RSU1: variants seen among roughly 807,000 people sequenced by gnomAD.
The protein encoded by RSU1 is Ras suppressor protein 1, also known as rsu-1.
RSU1 carries 26 observed loss-of-function variants against 31.1 expected under a neutral mutation model. That is an observed-to-expected ratio of 0.84 (90% CI 0.61 to 1.16). The LOEUF is 1.16. RSU1 is among the 50% of genes most tolerant of loss of function. The pLI is 0.00. For missense variants in RSU1, 320 were observed against 339.1 expected (o/e 0.94, Z 0.44); for synonymous variants, 164 against 136.3 (o/e 1.20, Z -1.41).
rs946457986 is a variant in RSU1, at chr10:16,721,220, G to A, written c.599-26065C>T. On this transcript the variant is annotated intron_variant, in intron 7 of 8. Transcript: ENST00000345264. ...TGTAGAGAGAACAGTGAAGAGGCTC[G>A]GAATGACTTTCTGGAGGAGATGCTT... 4.6e-5 allele frequency: 7 copies of A among 152,196 alleles called. No homozygotes were observed. In the South Asian group the frequency reaches 6.2e-4, roughly 14 times the overall value. The allele number at this position is 152,196 out of a possible 1,614,324, so 9.4% of individuals were successfully genotyped here.
chr10:16,685,035 G>T (rs1019409894), intron 8 of RSU1, among the ~76,000 whole-genome samples: 1 of 152,122 alleles, frequency 6.6e-6, no homozygotes, highest in Non-Finnish European at 1.5e-5. Context: ...ATCACCTGAG[G>T]TCACGGGTTT....
Position 16,754,868 on chromosome 10 carries a change from T to C in RSU1, c.400+3A>G, listed in dbSNP as rs1837052016. On this transcript the variant is annotated splice_donor_region_variant and intron_variant, in intron 5 of 8. Coordinates refer to ENST00000345264, the MANE Select transcript of RSU1 (RefSeq NM_012425.4). ...GAGATTTATAGAATTGAAAGTTTCT[T>C]ACTCAGGTAGAAGAAGTTTCCAGGA... is the stretch of plus-strand genomic sequence containing the variant. 6.4e-7 allele frequency: 1 copy of C among 1,567,066 alleles called. No individual in the cohort carries two copies. The highest frequency in any genetic ancestry group is 1.1e-5 in the South Asian group (1 of 89,920).
intron 8 of RSU1, among the ~76,000 whole-genome samples, chr10:16,662,572 T>C (rs781499870): frequency 2.6e-5 from 4 of 152,204 alleles, no homozygotes; most frequent in Admixed American, 6.5e-5. Context: ...GGTGTCTTAA[T>C]TGTGGCAAAT....
intron 2 of RSU1, 152 bp from the exon 3 acceptor site, chr10:16,782,236 G>C (rs1042820884): frequency 3.2e-6 from 2 of 620,276 alleles, no homozygotes; most frequent in African/African-American, 1.8e-5. Context: ...CATGTAACAC[G>C]ATCTATTCAA....
intron 8 of RSU1, among the ~76,000 whole-genome samples, chr10:16,602,166 TC>T (rs1273012774): frequency 2.6e-5 from 4 of 152,170 alleles, no homozygotes; most frequent in Non-Finnish European, 5.9e-5. Context: ...CACAGCTTCC[TC>T]CTCCCCTTCT....
intron 8 of RSU1, among the ~76,000 whole-genome samples, chr10:16,647,109 C>G (rs949062366): frequency 2.0e-5 from 3 of 151,916 alleles, no homozygotes; most frequent in African/African-American, 7.3e-5. Context: ...TCCTGAGTAG[C>G]TAACATATGC....
chr10:16,646,828 C>G (rs182644993), intron 8 of RSU1, among the ~76,000 whole-genome samples: 1 of 152,084 alleles, frequency 6.6e-6, no homozygotes, highest in Non-Finnish European at 1.5e-5. Flanking sequence ...AAAACCACAA[C>G]GAGACATCAC....
At chr10:16,729,616 C>T (rs933087042) in intron 7 of RSU1, among the ~76,000 whole-genome samples, 1 of 152,202 alleles carries the variant, frequency 6.6e-6, no homozygotes, top group African/African-American at 2.4e-5. Flanking sequence ...ATGGAGACCT[C>T]TGAAGCAGTC....
intron 8 of RSU1, among the ~76,000 whole-genome samples, chr10:16,660,641 C>CTT (rs1299419815): frequency 1.1e-4 from 6 of 55,402 alleles, no homozygotes; most frequent in Non-Finnish European, 1.3e-4. Context: ...TATTCTTGAA[C>CTT]TCTCTTTTTT....
chr10:16,634,952 G>A (rs1834321465), intron 8 of RSU1, among the ~76,000 whole-genome samples: 1 of 152,116 alleles, frequency 6.6e-6, no homozygotes, highest in African/African-American at 2.4e-5. Context: ...ACATTTGCCT[G>A]GTTACTTTTA....
chr10:16,601,038 T>C (rs1182536957), intron 8 of RSU1, among the ~76,000 whole-genome samples: 1 of 152,158 alleles, frequency 6.6e-6, no homozygotes, highest in Non-Finnish European at 1.5e-5. Flanking sequence ...GGTTCTTGTT[T>C]TCTCTCTGGA....
At chr10:16,657,382 C>T (rs185235991) in intron 8 of RSU1, among the ~76,000 whole-genome samples, 14 of 151,956 alleles carry the variant, frequency 9.2e-5, no homozygotes, top group South Asian at 2.1e-4. Flanking sequence ...AGAGTATGTA[C>T]GAATATGTCT....
chr10:16,709,726 T>G (rs1352555190), intron 7 of RSU1, among the ~76,000 whole-genome samples: 1 of 152,206 alleles, frequency 6.6e-6, no homozygotes, highest in East Asian at 1.9e-4. Context: ...TGGTTTTGAT[T>G]TGCATTTCTC....
At chr10:16,660,466 A>G (rs1834867261) in intron 8 of RSU1, among the ~76,000 whole-genome samples, 1 of 152,100 alleles carries the variant, frequency 6.6e-6, no homozygotes, top group Admixed American at 6.5e-5. Flanking sequence ...AACCTTTCCC[A>G]ATTCTTAACT....
intron 8 of RSU1, among the ~76,000 whole-genome samples, chr10:16,643,902 T>TA (rs1554762386): frequency 0.04 from 5,711 of 141,922 alleles, 321 homozygotes; most frequent in East Asian, 0.2. Flanking sequence ...TTTTTTTTTT[T>TA]AAAAAAACTT....
At chr10:16,738,680 C>G (rs751208855) in intron 7 of RSU1, among the ~76,000 whole-genome samples, 1 of 152,026 alleles carries the variant, frequency 6.6e-6, no homozygotes, top group Admixed American at 6.5e-5. Context: ...CAGACTAACT[C>G]AGAAGAAATG....
At chr10:16,604,080 A>C (rs1484911525) in intron 8 of RSU1, among the ~76,000 whole-genome samples, 1 of 152,184 alleles carries the variant, frequency 6.6e-6, no homozygotes, top group Non-Finnish European at 1.5e-5. Context: ...ATATATTAAC[A>C]TGACCTGCTT....
intron 4 of RSU1, among the ~76,000 whole-genome samples, chr10:16,760,100 A>T (rs990086678): frequency 4.6e-5 from 7 of 152,092 alleles, no homozygotes; most frequent in Admixed American, 6.5e-5. Context: ...AACTCCGTCT[A>T]TGTAGCTATG....
rs376466358 is a variant in RSU1 at position 16,724,327 on chromosome 10, AAATAT to A, written c.598+28207_598+28211del. Among the ~76,000 whole-genome samples, 1,249 of 152,336 alleles carry A rather than the reference AAATAT, an allele frequency of 8.2e-3. 10 individuals carry two copies. Among genetic ancestry groups the A allele is most frequent in the Non-Finnish European group, 0.014 (927 of 68,032 alleles). ...ATCTACTGTGAAAGAGAAAAGAATA[AAATAT>A]AATAAAATGGTTTCATAAATAAATG... On this transcript the variant is annotated intron_variant, in intron 7 of 8. Transcript: ENST00000345264.
Sources: gnomAD v4.1 joint callset for allele counts (sites outside exome capture counted in the v4.1 genomes callset) on GRCh38, gnomAD v4.1.1 for gene constraint, MANE v1.5 for transcripts, NCBI Gene and HGNC (gene_info 2026-07-23, HGNC 2026-07-21) for gene names.